Variants in SLC17A8 observed in about 807,000 individuals in gnomAD.
The protein encoded by SLC17A8 is solute carrier family 17 member 8.
In SLC17A8, 31 loss-of-function variants were observed where a neutral mutation model predicts 58.0. That is an observed-to-expected ratio of 0.53 (90% CI 0.40 to 0.72). The LOEUF (loss-of-function observed/expected upper bound fraction) is 0.72. Ranked by LOEUF, SLC17A8 falls within the 30% of genes least tolerant of loss-of-function variation. The pLI, the probability that SLC17A8 is intolerant of heterozygous loss-of-function variation, is 0.00. For synonymous variants in SLC17A8, 228 were observed against 249.0 expected (o/e 0.92, Z 0.79); for missense variants, 655 against 727.8 (o/e 0.90, Z 1.15).
In SLC17A8 at chr12:100,419,872, G is replaced by A. The variant is rs376818571; in HGVS notation, c.1483G>A (p.Val495Met). The part of the protein sequence containing the change: ...LIAALVHYSG[V>M]IFYGVFASGE... ...AGCTGCCCTGGTGCATTACAGTGGT[G>A]TGATCTTCTATGGGGTCTTTGCTTC... Residue 495 changes from valine to methionine, a missense_variant, in exon 12 of 12, where the codon GTG becomes ATG. Coordinates refer to ENST00000323346, the MANE Select transcript of SLC17A8 (RefSeq NM_139319.3). 6.2e-7 allele frequency: 1 copy of A among 1,614,094 alleles called. No homozygotes were observed. Among genetic ancestry groups the A allele is most frequent in the Non-Finnish European group, 8.5e-7 (1 of 1,180,044 alleles).
chr12:100,381,049 G>A, intron 2 of SLC17A8, 96 bp downstream of exon 2: 1 of 1,457,362 alleles, frequency 6.9e-7, no homozygotes, highest in Non-Finnish European at 9.6e-7. Flanking sequence ...TTGGCTTACT[G>A]CAGCCCCAAC....
chr12:100,397,744 C>A (rs964999471), intron 5 of SLC17A8, among the ~76,000 whole-genome samples: 1 of 152,022 alleles, frequency 6.6e-6, no homozygotes, highest in Non-Finnish European at 1.5e-5. Context: ...GAGTTTGAGA[C>A]CAACCTGGGC....
chr12:100,393,527 G>A (rs1952731779), intron 4 of SLC17A8, 44 bp downstream of exon 4: 1 of 1,395,610 alleles, frequency 7.2e-7, no homozygotes, highest in Admixed American at 1.7e-5. Context: ...GCTAGAGACA[G>A]CGCAGTCCTT....
intron 10 of SLC17A8, 52 bp from the exon 11 acceptor site, chr12:100,417,977 T>G (rs1952918198): frequency 6.2e-7 from 1 of 1,612,664 alleles, no homozygotes; most frequent in African/African-American, 1.3e-5. Context: ...TTCCAAAGCA[T>G]ATTTGAAATT....
rs1952942378 is a variant in SLC17A8, at chr12:100,420,641, T to C, written c.*482T>C. 1 of 162,468 alleles carries C rather than the reference T, an allele frequency of 6.2e-6. No individual in the cohort carries two copies. The highest frequency in any genetic ancestry group is 1.4e-5 in the Non-Finnish European group (1 of 73,248). The allele number at this position is 162,468 out of a possible 1,614,324, so 10.1% of individuals were successfully genotyped here. ...AATCTCCACACCTTTATGACACACA[T>C]TTCTTATCCCCATTTTACAACCAAG... On this transcript the variant is annotated 3_prime_UTR_variant, in exon 12 of 12. Transcript: ENST00000323346.
At chr12:100,384,402 C>T (rs1202046844) in intron 2 of SLC17A8, among the ~76,000 whole-genome samples, 1 of 152,170 alleles carries the variant, frequency 6.6e-6, no homozygotes, top group Non-Finnish European at 1.5e-5. Context: ...GAGTTCTAGA[C>T]TAGCCTGGCC....
chr12:100,365,092 G>T (rs1163872057), intron 1 of SLC17A8, among the ~76,000 whole-genome samples: 1 of 152,180 alleles, frequency 6.6e-6, no homozygotes, highest in African/African-American at 2.4e-5. Context: ...CTGTGGCCCT[G>T]CTGGTGTTAG....
At chr12:100,394,413 T>C (rs1158950366) in intron 4 of SLC17A8, among the ~76,000 whole-genome samples, 2 of 149,210 alleles carry the variant, frequency 1.3e-5, no homozygotes, top group East Asian at 3.9e-4. Context: ...TTTTTTTTTT[T>C]TTTTTTGAGA....
At chr12:100,384,815 C>A (rs1451576373) in intron 2 of SLC17A8, among the ~76,000 whole-genome samples, 1 of 152,142 alleles carries the variant, frequency 6.6e-6, no homozygotes, top group East Asian at 1.9e-4. Flanking sequence ...ATGGAGCTTT[C>A]CCTCGTGGGA....
At chr12:100,384,146 TC>T (rs1266313223) in intron 2 of SLC17A8, among the ~76,000 whole-genome samples, 1 of 152,222 alleles carries the variant, frequency 6.6e-6, no homozygotes, top group Non-Finnish European at 1.5e-5. Context: ...CCAAAGTTCT[TC>T]CCATGGATTG....
intron 9 of SLC17A8, among the ~76,000 whole-genome samples, chr12:100,411,237 G>A (rs901409504): frequency 2.0e-5 from 3 of 152,168 alleles, no homozygotes; most frequent in Non-Finnish European, 2.9e-5. Flanking sequence ...TGAAGTGGGC[G>A]GACCACCTGA....
intron 5 of SLC17A8, among the ~76,000 whole-genome samples, chr12:100,396,915 A>G (rs1000757362): frequency 1.3e-5 from 2 of 152,120 alleles, no homozygotes; most frequent in African/African-American, 4.8e-5. Context: ...GGGCCTAGGC[A>G]TGTTCTGACT....
chr12:100,392,126 G>A (rs7979595), intron 3 of SLC17A8, among the ~76,000 whole-genome samples: 15 of 152,094 alleles, frequency 9.9e-5, no homozygotes, highest in African/African-American at 3.4e-4. Context: ...TCTCCAGGTC[G>A]CTTCCAATTG....
intron 2 of SLC17A8, 97 bp downstream of exon 2, chr12:100,381,050 C>T: frequency 7.1e-7 from 1 of 1,408,584 alleles, no homozygotes. Flanking sequence ...TGGCTTACTG[C>T]AGCCCCAACC....
At chr12:100,370,742 T>C (rs1952553637) in intron 1 of SLC17A8, among the ~76,000 whole-genome samples, 2 of 152,200 alleles carry the variant, frequency 1.3e-5, no homozygotes, top group Admixed American at 6.5e-5. Flanking sequence ...TTTAAAGCCA[T>C]AGAGACTATC....
At chr12:100,378,867 G>T (rs1952612671) in intron 1 of SLC17A8, among the ~76,000 whole-genome samples, 1 of 152,296 alleles carries the variant, frequency 6.6e-6, no homozygotes, top group South Asian at 2.1e-4. Context: ...GAAATTCAAA[G>T]CTCCTTCCCT....
At chr12:100,390,819 G>A (rs1027239672) in intron 2 of SLC17A8, among the ~76,000 whole-genome samples, 182 bp from the exon 3 acceptor site, 1 of 151,998 alleles carries the variant, frequency 6.6e-6, no homozygotes, top group Non-Finnish European at 1.5e-5. Context: ...ACACCACTAC[G>A]CCTGGCCCAG....
intron 11 of SLC17A8, among the ~76,000 whole-genome samples, chr12:100,419,286 G>A (rs2136019595): frequency 6.6e-6 from 1 of 152,206 alleles, no homozygotes; most frequent in East Asian, 1.9e-4. Context: ...TGTAATCCCA[G>A]CACTTTGGGA....
At chr12:100,379,975 G>A (rs1216176500) in intron 1 of SLC17A8, among the ~76,000 whole-genome samples, 4 of 151,954 alleles carry the variant, frequency 2.6e-5, no homozygotes, top group African/African-American at 7.3e-5. Context: ...TGAGGCGGGC[G>A]GATCATCTGA....
Sources: gnomAD v4.1 joint callset for allele counts (sites outside exome capture counted in the v4.1 genomes callset) on GRCh38, gnomAD v4.1.1 for gene constraint, MANE v1.5 for transcripts, NCBI Gene and HGNC (gene_info 2026-07-23, HGNC 2026-07-21) for gene names.